Variants in BRAF observed in about 807,000 individuals in gnomAD.
BRAF encodes the protein serine/threonine-protein kinase B-raf.
BRAF carries 16 observed loss-of-function variants against 104.6 expected under a neutral mutation model. That is an observed-to-expected ratio of 0.15 (90% CI 0.10 to 0.23). BRAF has a LOEUF of 0.23. Among genes scored for constraint, BRAF ranks in the 10% least tolerant of loss-of-function variants. The probability of loss-of-function intolerance (pLI) is 1.00; values close to 1 mark genes in which losing one functional copy is unlikely to be tolerated. For missense variants in BRAF, 541 were observed against 937.3 expected, an observed-to-expected ratio of 0.58 and a Z score of 5.52; for synonymous variants, 310 against 341.6, an observed-to-expected ratio of 0.91 and a Z score of 1.02.
Position 140,924,790 on chromosome 7 carries a change from G to A in BRAF, c.-87C>T. 1 of 490,182 alleles carries A rather than the reference G, an allele frequency of 2.0e-6. No individual in the cohort carries two copies. The highest frequency in any genetic ancestry group is 3.1e-5 in the South Asian group (1 of 32,740). 30.4% of individuals were successfully genotyped at this position (490,182 alleles called of 1,614,324 possible). On this transcript the variant is annotated 5_prime_UTR_variant, in exon 1 of 20. Transcript: ENST00000644969. This position sits in a 1 kb window ranked among gnomAD's most constrained non-coding sequence, Gnocchi z 4.2. ...GAGAGCTGGGGGAGGCGGAGGCGGA[G>A]GCGGAGGCGGAGGAGCGGGGGGCGC...
At chr7:140,814,358 T>C (rs969770153) in intron 3 of BRAF, among the ~76,000 whole-genome samples, 1 of 152,192 alleles carries the variant, frequency 6.6e-6, no homozygotes, top group Non-Finnish European at 1.5e-5. Context: ...TCTACTTTTA[T>C]GTATGTTTAA....
chr7:140,720,234 A>G lies in BRAF; in HGVS notation c.*6260T>C. 7 of 1,062,828 alleles carry G rather than the reference A, an allele frequency of 6.6e-6. No individual in the cohort carries two copies. Among genetic ancestry groups the G allele is most frequent in the Non-Finnish European group, 8.0e-6 (7 of 877,730 alleles). The allele number at this position is 1,062,828 out of a possible 1,614,324, so 65.8% of individuals were successfully genotyped here. ...CAACAAATGAGATTACCACAAATAC[A>G]TATCACTGTGATACAGTCCTCAAAA... On this transcript the variant is annotated 3_prime_UTR_variant, in exon 20 of 20. Coordinates refer to ENST00000644969, the MANE Select transcript of BRAF (RefSeq NM_001374258.1).
At position 140,720,647 on chromosome 7, in the gene BRAF, A is replaced by T. The variant is rs1795275928; in HGVS notation, c.*5847T>A. On this transcript the variant is annotated 3_prime_UTR_variant, in exon 20 of 20. Transcript: ENST00000644969. ...CCCACCCTCACATTAATTTTTCCCT[A>T]TCCTAGATTTACTGCCACCTCACCC... The T allele has an allele frequency of 3.8e-6, 4 of 1,065,390 alleles. No individual in the cohort carries two copies. Among genetic ancestry groups the T allele is most frequent in the Non-Finnish European group, 4.5e-6 (4 of 879,496 alleles). The allele number at this position is 1,065,390 out of a possible 1,614,324, so 66.0% of individuals were successfully genotyped here.
chr7:140,863,875 A>G (rs1248892956), intron 1 of BRAF, among the ~76,000 whole-genome samples: 2 of 152,174 alleles, frequency 1.3e-5, no homozygotes, highest in African/African-American at 2.4e-5. Context: ...CAGAACCGTG[A>G]GCCAATTAAA....
At chr7:140,859,518 T>G (rs1351911521) in intron 1 of BRAF, among the ~76,000 whole-genome samples, 1 of 152,318 alleles carries the variant, frequency 6.6e-6, no homozygotes. Context: ...TATGTGTGCA[T>G]GCAGATGTGT....
intron 1 of BRAF, 151 bp from the exon 2 acceptor site, chr7:140,850,363 T>G (rs1809032845): frequency 1.7e-6 from 1 of 591,778 alleles, no homozygotes. Context: ...TCTCTTTTAT[T>G]ATGAAACATC....
intron 3 of BRAF, among the ~76,000 whole-genome samples, chr7:140,816,580 T>C (rs1412944615): frequency 6.6e-6 from 1 of 152,154 alleles, no homozygotes; most frequent in Non-Finnish European, 1.5e-5. Flanking sequence ...CTTTTCCCTT[T>C]GCCATTCCTG....
chr7:140,826,797 C>A (rs879461503), intron 3 of BRAF, among the ~76,000 whole-genome samples: 1 of 152,170 alleles, frequency 6.6e-6, no homozygotes, highest in African/African-American at 2.4e-5. Flanking sequence ...TATATAATTA[C>A]GTTACCATCC....
intron 1 of BRAF, among the ~76,000 whole-genome samples, chr7:140,876,598 A>G (rs1190794096): frequency 6.6e-6 from 1 of 152,224 alleles, no homozygotes; most frequent in Non-Finnish European, 1.5e-5. Flanking sequence ...TAATTTTCAT[A>G]ATAGAAAGCA....
chr7:140,740,287 A>T lies in BRAF; in HGVS notation c.2113-341T>A, dbSNP rs183616989. ...CTTCTTTACTTTAAAAAAAAAAAAAATTTATTCAGCACTTCTTGTTGTTGG... is the reference window on the plus strand; with the variant it reads ...CTTCTTTACTTTAAAAAAAAAAAAATTTTATTCAGCACTTCTTGTTGTTGG... On this transcript the variant is annotated intron_variant, in intron 17 of 19. Transcript: ENST00000644969. 6.9e-3 allele frequency: 1,431 copies of T among 207,846 alleles called. 26 individuals carry two copies. The highest frequency in any genetic ancestry group is 0.032 in the African/African-American group (1,336 of 42,302). The allele number at this position is 207,846 out of a possible 1,614,324, so 12.9% of individuals were successfully genotyped here.
intron 12 of BRAF, among the ~76,000 whole-genome samples, chr7:140,779,217 G>C (rs575471013): frequency 4.7e-4 from 71 of 152,096 alleles, no homozygotes; most frequent in Non-Finnish European, 8.1e-4. Flanking sequence ...TGTTTCTAGA[G>C]TGCTAGTAAT....
At chr7:140,869,141 TTA>T (rs1811287891) in intron 1 of BRAF, among the ~76,000 whole-genome samples, 1 of 152,162 alleles carries the variant, frequency 6.6e-6, no homozygotes, top group Non-Finnish European at 1.5e-5. Context: ...GGGAGGCACA[TTA>T]ACCAGAGTGG....
At chr7:140,713,957 GTTC>G in the BRAF span, among the ~76,000 whole-genome samples, 1 of 152,148 alleles carries the variant, frequency 6.6e-6, no homozygotes, top group African/African-American at 2.4e-5. Context: ...CTGCCTGATC[GTTC>G]TTCTGAAAGT....
chr7:140,744,327 T>C (rs1266885937), intron 17 of BRAF, among the ~76,000 whole-genome samples: 1 of 152,256 alleles, frequency 6.6e-6, no homozygotes, highest in Non-Finnish European at 1.5e-5. Context: ...TTGTCACACA[T>C]TGCTACTGGA....
At chr7:140,847,267 A>T (rs1808660417) in intron 2 of BRAF, among the ~76,000 whole-genome samples, 1 of 150,640 alleles carries the variant, frequency 6.6e-6, no homozygotes, top group African/African-American at 2.4e-5. Flanking sequence ...AAAGGCGGAG[A>T]TTGTTGGCCA....
intron 1 of BRAF, among the ~76,000 whole-genome samples, chr7:140,864,565 G>A (rs1810737556): frequency 6.6e-6 from 1 of 152,096 alleles, no homozygotes; most frequent in Non-Finnish European, 1.5e-5. Flanking sequence ...GCTCAGCCCT[G>A]GGGATCATAA....
intron 14 of BRAF, among the ~76,000 whole-genome samples, chr7:140,762,303 G>T (rs1377275241): frequency 6.6e-6 from 1 of 152,100 alleles, no homozygotes; most frequent in Non-Finnish European, 1.5e-5. Context: ...GGTACATAAC[G>T]AAATGAAGGC....
Position 140,775,562 on chromosome 7 carries a change from C to G in BRAF, c.1814+1350G>C, listed in dbSNP as rs185622947. Among the ~76,000 whole-genome samples the G allele has an allele frequency of 1.5e-3, 226 of 151,366 alleles. 2 individuals are homozygous for G. Among genetic ancestry groups the G allele is most frequent in the African/African-American group, 5.0e-3 (207 of 41,090 alleles). ...CCATGTTGGTCAGGCTAGTCTTGAA[C>G]TCCCGACCTCAGGTGATCCGCCTGC... On this transcript the variant is annotated intron_variant, in intron 14 of 19. Coordinates refer to ENST00000644969, the MANE Select transcript of BRAF (RefSeq NM_001374258.1).
chr7:140,734,856 A>C, intron 18 of BRAF, 86 bp from the exon 18 acceptor site: 27 of 1,389,604 alleles, frequency 1.9e-5, no homozygotes, highest in Non-Finnish European at 2.1e-5. Flanking sequence ...AGAAAGAAGA[A>C]TGAAAATCTG....
Sources: allele counts gnomAD v4.1 joint callset (sites outside exome capture counted in the v4.1 genomes callset), GRCh38; gene constraint gnomAD v4.1.1; non-coding constraint Gnocchi (gnomAD v3.1); transcripts MANE v1.5; gene names NCBI Gene and HGNC (gene_info 2026-07-23, HGNC 2026-07-21).